The following RAP1GAP2 variants were observed in gnomAD, a reference collection of about 807,000 sequenced individuals.
RAP1GAP2 encodes the protein rap1 GTPase-activating protein 2.
A neutral mutation model predicts 95.0 loss-of-function variants in RAP1GAP2; 27 were observed. The observed-to-expected ratio is 0.28, with a 90% CI of 0.21 to 0.39. The LOEUF (loss-of-function observed/expected upper bound fraction) is 0.39, where lower values mean the gene tolerates loss of function less well. Ranked by LOEUF, RAP1GAP2 falls within the 10% of genes least tolerant of loss-of-function variation. RAP1GAP2 has a pLI of 1.00. For synonymous variants in RAP1GAP2, 373 were observed against 380.9 expected (o/e 0.98, Z 0.24); for missense variants, 771 against 970.0 (o/e 0.79, Z 2.72).
chr17:2,854,346 C>T (rs1024345677), intron 2 of RAP1GAP2, among the ~76,000 whole-genome samples: 1 of 152,250 alleles, frequency 6.6e-6, no homozygotes, highest in Non-Finnish European at 1.5e-5. Context: ...GGATCCCTGA[C>T]GGAGGGACCC....
At chr17:2,920,184 T>A (rs528010556) in intron 3 of RAP1GAP2, among the ~76,000 whole-genome samples, 54 of 152,156 alleles carry the variant, frequency 3.5e-4, no homozygotes, top group African/African-American at 5.3e-4. Context: ...TTAAAAAAAA[T>A]TTTTTTTAAT....
chr17:2,965,327 AGGAGATAGT>A lies in RAP1GAP2; in HGVS notation c.493-210_493-202del. The A allele has an allele frequency of 1.7e-6, 1 of 576,308 alleles. No homozygotes were observed. Among genetic ancestry groups the A allele is most frequent in the Admixed American group, 3.0e-5 (1 of 33,154 alleles). The allele number at this position is 576,308 out of a possible 1,614,324, so 35.7% of individuals were successfully genotyped here. A position where few individuals can be genotyped will look rare whatever the true frequency, so the allele number is the denominator to read the frequency against. ...CGGATACAGCTGTGGTCAGGACTGA[AGGAGATAGT>A]GGGTATTAAGCCCCTGGCACGGTGC... On this transcript the variant is annotated intron_variant, in intron 7 of 24. Transcript: ENST00000254695. This position sits in a 1 kb window ranked among gnomAD's most constrained non-coding sequence, Gnocchi z 4.7.
chr17:2,858,174 G>C (rs565706397), intron 2 of RAP1GAP2, among the ~76,000 whole-genome samples: 1 of 152,248 alleles, frequency 6.6e-6, no homozygotes, highest in Non-Finnish European at 1.5e-5. Flanking sequence ...ACTGGAGAGA[G>C]GTCATTTAGC....
At position 2,870,596 on chromosome 17, in the gene RAP1GAP2, A is replaced by G. The variant is rs955895062; in HGVS notation, c.81-34688A>G. 6.6e-6 allele frequency among the ~76,000 whole-genome samples: 1 copy of G among 152,172 alleles called. No individual in the cohort carries two copies. The highest frequency in any genetic ancestry group is 1.5e-5 in the Non-Finnish European group (1 of 68,034). On this transcript the variant is annotated intron_variant, in intron 2 of 24. Coordinates refer to ENST00000254695, the MANE Select transcript of RAP1GAP2 (RefSeq NM_015085.5). This position sits in a 1 kb window ranked among gnomAD's most constrained non-coding sequence, Gnocchi z 4.4. ...TTTTTGTGGTCTTTTTTTTCTATGC[A>G]AAAGCACACCCTTTCACGTAATATA...
At chr17:2,821,774 G>T (rs1311752627) in intron 2 of RAP1GAP2, among the ~76,000 whole-genome samples, 2 of 152,118 alleles carry the variant, frequency 1.3e-5, no homozygotes, top group Non-Finnish European at 2.9e-5. Context: ...ACATGTGGCT[G>T]GTGGCTACCA....
At chr17:2,919,769 C>A (rs568766818) in intron 3 of RAP1GAP2, among the ~76,000 whole-genome samples, 55 of 152,276 alleles carry the variant, frequency 3.6e-4, no homozygotes, top group African/African-American at 1.3e-3. Context: ...GTAGCGCGAT[C>A]TCGGCTCACT....
intron 2 of RAP1GAP2, among the ~76,000 whole-genome samples, chr17:2,840,711 G>C (rs1033267711): frequency 2.6e-5 from 4 of 152,076 alleles, no homozygotes; most frequent in Non-Finnish European, 5.9e-5. Flanking sequence ...TGAACATAAA[G>C]TCTTGGCTGG....
chr17:2,963,212 C>A lies in RAP1GAP2; in HGVS notation c.247-218C>A. ...AGAAGTTCAGCACCTTCGGACACTGCATCATCAGCTGGCAGGGTTTATGTT... is the reference window on the plus strand; with the variant it reads ...AGAAGTTCAGCACCTTCGGACACTGAATCATCAGCTGGCAGGGTTTATGTT... On this transcript the variant is annotated intron_variant, in intron 5 of 24. Transcript: ENST00000254695. This position sits in a 1 kb window ranked among gnomAD's most constrained non-coding sequence, Gnocchi z 4.8. 1.6e-6 allele frequency: 1 copy of A among 626,094 alleles called. No individual in the cohort carries two copies. Among genetic ancestry groups the A allele is most frequent in the Non-Finnish European group, 2.9e-6 (1 of 348,064 alleles). The allele number at this position is 626,094 out of a possible 1,614,324, so 38.8% of individuals were successfully genotyped here.
intron 8 of RAP1GAP2, among the ~76,000 whole-genome samples, chr17:2,968,693 A>G (rs1362290799): frequency 6.6e-6 from 1 of 152,214 alleles, no homozygotes; most frequent in African/African-American, 2.4e-5. Flanking sequence ...GTGCGTACAT[A>G]TGTGATGATA....
At chr17:2,891,004 C>G (rs1347373337) in intron 2 of RAP1GAP2, among the ~76,000 whole-genome samples, 1 of 151,932 alleles carries the variant, frequency 6.6e-6, no homozygotes, top group African/African-American at 2.4e-5. Context: ...CTTTTTATGA[C>G]TGTGTAAATG....
At chr17:2,938,982 G>A (rs1380852752) in intron 3 of RAP1GAP2, among the ~76,000 whole-genome samples, 1 of 152,054 alleles carries the variant, frequency 6.6e-6, no homozygotes, top group African/African-American at 2.4e-5. Flanking sequence ...GTGAAACTCC[G>A]TCTCAAAAAA....
At position 2,963,500 on chromosome 17, in the gene RAP1GAP2, C is replaced by A. The variant is rs575238458; in HGVS notation, c.279+38C>A. Reference sequence around the variant, plus strand: ...CCCTCACTCCCACCTGCCCTGCAGCCTGCTCTGGGTCCCGTCCCTGGGGAA... The same window carrying A: ...CCCTCACTCCCACCTGCCCTGCAGCATGCTCTGGGTCCCGTCCCTGGGGAA... On this transcript the variant is annotated intron_variant, in intron 6 of 24. Transcript: ENST00000254695. This position sits in a 1 kb window ranked among gnomAD's most constrained non-coding sequence, Gnocchi z 4.8. 11 of 1,613,144 alleles carry A rather than the reference C, an allele frequency of 6.8e-6. No homozygotes were observed. The African/African-American group carries it at 1.5e-4, about 21-fold the overall frequency.
chr17:2,939,782 A>C (rs2095805540), intron 3 of RAP1GAP2, among the ~76,000 whole-genome samples: 1 of 152,154 alleles, frequency 6.6e-6, no homozygotes, highest in African/African-American at 2.4e-5. Context: ...TCTCCCTTGG[A>C]AGGGACCCCC....
At chr17:2,805,824 A>G (rs972148725) in intron 2 of RAP1GAP2, among the ~76,000 whole-genome samples, 1 of 152,128 alleles carries the variant, frequency 6.6e-6, no homozygotes, top group African/African-American at 2.4e-5. Flanking sequence ...ACCGTCATGC[A>G]CAGGGGCTGG....
At chr17:2,939,286 C>T (rs532492947) in intron 3 of RAP1GAP2, among the ~76,000 whole-genome samples, 5 of 152,274 alleles carry the variant, frequency 3.3e-5, no homozygotes, top group South Asian at 4.1e-4. Context: ...GACGGGCTTT[C>T]GCCATGTTGG....
At chr17:2,762,334 C>G (rs1021459952) in intron 1 of RAP1GAP2, among the ~76,000 whole-genome samples, 2 of 151,518 alleles carry the variant, frequency 1.3e-5, no homozygotes, top group Non-Finnish European at 2.9e-5. Context: ...AGATCCTTTG[C>G]CCATGTTTAA....
intron 2 of RAP1GAP2, among the ~76,000 whole-genome samples, chr17:2,843,372 A>C (rs1597418426): frequency 6.7e-6 from 1 of 148,370 alleles, no homozygotes; most frequent in Non-Finnish European, 1.5e-5. Flanking sequence ...GGCAACCTCC[A>C]CCTCCTGGGT....
chr17:2,814,391 G>GCTGCC (rs749739227), intron 2 of RAP1GAP2, among the ~76,000 whole-genome samples: 9 of 152,122 alleles, frequency 5.9e-5, no homozygotes, highest in Non-Finnish European at 1.0e-4. Flanking sequence ...ACATGCCTTT[G>GCTGCC]CTGCCCCTTC....
chr17:2,889,450 C>T (rs913846007), intron 2 of RAP1GAP2, among the ~76,000 whole-genome samples: 92 of 152,206 alleles, frequency 6.0e-4, no homozygotes, highest in African/African-American at 1.2e-3. Flanking sequence ...TAGGCTTGGC[C>T]GGGGGAGTGA....
Sources: gnomAD v4.1 joint callset for allele counts (sites outside exome capture counted in the v4.1 genomes callset) on GRCh38, gnomAD v4.1.1 for gene constraint, Gnocchi (gnomAD v3.1) non-coding constraint, MANE v1.5 for transcripts, NCBI Gene and HGNC (gene_info 2026-07-23, HGNC 2026-07-21) for gene names.